MYO16: variants seen among roughly 807,000 people sequenced by gnomAD.
The protein encoded by MYO16 is unconventional myosin-XVI.
In MYO16, 94 loss-of-function variants were observed where a neutral mutation model predicts 205.3. The observed-to-expected ratio is 0.46, with a 90% CI of 0.39 to 0.54. The LOEUF (loss-of-function observed/expected upper bound fraction) is 0.54. MYO16 is among the 20% of genes least tolerant of loss of function. The probability of loss-of-function intolerance (pLI) is 0.00; values close to 1 mark genes in which losing one functional copy is unlikely to be tolerated. For synonymous variants in MYO16, 988 were observed against 954.0 expected (o/e 1.04, Z -0.66); for missense variants, 2,315 against 2,387.5 (o/e 0.97, Z 0.63).
At chr13:108,738,408 G>A (rs4772989) in intron 4 of MYO16, among the ~76,000 whole-genome samples, 2 of 151,920 alleles carry the variant, frequency 1.3e-5, no homozygotes, top group African/African-American at 4.8e-5. Context: ...TAGTCATTCA[G>A]GAGCAGGTTG....
chr13:108,625,154 C>T (rs562064310), upstream of MYO16, among the ~76,000 whole-genome samples: 3 of 152,262 alleles, frequency 2.0e-5, no homozygotes, highest in South Asian at 6.2e-4. Flanking sequence ...TTCACAATTG[C>T]CCACATCTAA....
Position 108,665,933 on chromosome 13 carries a change from G to C in MYO16, c.76G>C (p.Asp26His). 1.9e-6 allele frequency: 3 copies of C among 1,614,002 alleles called. No homozygotes were observed. Among genetic ancestry groups the C allele is most frequent in the Non-Finnish European group, 2.5e-6 (3 of 1,179,958 alleles). Residue 26 changes from aspartate to histidine, a missense_variant, in exon 2 of 35, where the codon GAC becomes CAC. Asp to His is a moderately conservative substitution (Grantham distance 81, BLOSUM62 -1). Transcript: ENST00000457511. ...TTTTCGATCCCATGAGATGGAAATCGACCAGTGCTTGCTAGAGTCCCTTCC... is the reference window on the plus strand; with the variant it reads ...TTTTCGATCCCATGAGATGGAAATCCACCAGTGCTTGCTAGAGTCCCTTCC... ...NVFRSHEMEIDQCLLESLPLG... is the reference protein window; with the variant it reads ...NVFRSHEMEIHQCLLESLPLG...
intron 6 of MYO16, among the ~76,000 whole-genome samples, chr13:108,803,205 C>A (rs186667344): frequency 1.3e-5 from 2 of 152,292 alleles, no homozygotes; most frequent in African/African-American, 4.8e-5. Flanking sequence ...TCTTGGTATT[C>A]ATCTGTGGAC....
At chr13:108,694,454 TA>T (rs1883014395) in intron 2 of MYO16, among the ~76,000 whole-genome samples, 1 of 152,206 alleles carries the variant, frequency 6.6e-6, no homozygotes, top group African/African-American at 2.4e-5. Flanking sequence ...AATGTTCCTT[TA>T]AAAAATTTAT....
At chr13:109,083,309 G>A (rs147174509) in intron 27 of MYO16, among the ~76,000 whole-genome samples, 68 of 140,888 alleles carry the variant, frequency 4.8e-4, no homozygotes, top group African/African-American at 1.8e-3. Flanking sequence ...CTTGAACCTG[G>A]GAGGCAGAGT....
intron 5 of MYO16, among the ~76,000 whole-genome samples, chr13:108,786,743 G>C (rs529164529): frequency 1.3e-5 from 2 of 152,306 alleles, no homozygotes; most frequent in Admixed American, 1.3e-4. Flanking sequence ...ACCACGACAG[G>C]GGATGATGTG....
chr13:108,920,384 C>T (rs1881689760), intron 16 of MYO16, among the ~76,000 whole-genome samples: 1 of 149,814 alleles, frequency 6.7e-6, no homozygotes, highest in Non-Finnish European at 1.5e-5. Flanking sequence ...TTCCTTCTCT[C>T]TCTCTCCTTC....
chr13:108,583,883 A>C, the MYO16 span, among the ~76,000 whole-genome samples: 1 of 152,234 alleles, frequency 6.6e-6, no homozygotes, highest in Non-Finnish European at 1.5e-5. Context: ...TTGAAAAGAC[A>C]TTATCAAAAG....
chr13:109,179,860 A>G (rs1404820677), intron 34 of MYO16, among the ~76,000 whole-genome samples: 1 of 152,162 alleles, frequency 6.6e-6, no homozygotes, highest in Non-Finnish European at 1.5e-5. Context: ...CAACTAAAAC[A>G]TAATAGTTTT....
At position 108,962,499 on chromosome 13, in the gene MYO16, A is replaced by T; in HGVS notation, c.2227+4A>T. 6.4e-7 allele frequency: 1 copy of T among 1,560,272 alleles called. No homozygotes were observed. The highest frequency in any genetic ancestry group is 2.3e-5 in the East Asian group (1 of 43,092). On this transcript the variant is annotated splice_donor_region_variant and intron_variant, in intron 19 of 34. Transcript: ENST00000457511. ...ACTGATATTCAATATTTTAAAGGTA[A>T]TTTTTTTATGCTCTAACATCTTTGT...
In MYO16 at chr13:109,124,973, T is replaced by C. The variant is rs1594105814; in HGVS notation, c.3536-139T>C. On this transcript the variant is annotated intron_variant, in intron 29 of 34. Coordinates refer to ENST00000457511, the MANE Select transcript of MYO16 (RefSeq NM_001198950.3). ...TTGCCTTTAGTGTTATCACTGCTGA[T>C]TTAGATAAAGTCTTATTCTGGGTTA... 5 of 942,382 alleles carry C rather than the reference T, an allele frequency of 5.3e-6. No individual in the cohort carries two copies. The East Asian group carries it at 1.1e-4, about 20-fold the overall frequency. 58.4% of individuals were successfully genotyped at this position (942,382 alleles called of 1,614,324 possible). A position where few individuals can be genotyped will look rare whatever the true frequency, so the allele number is the denominator to read the frequency against.
At chr13:108,850,800 C>G (rs930470926) in intron 10 of MYO16, among the ~76,000 whole-genome samples, 10 of 152,302 alleles carry the variant, frequency 6.6e-5, no homozygotes, top group African/African-American at 1.9e-4. Context: ...TTGATCTGCT[C>G]TCACACTGGC....
chr13:108,595,430 T>TA (rs200987844), upstream of MYO16, among the ~76,000 whole-genome samples: 32 of 151,568 alleles, frequency 2.1e-4, no homozygotes, highest in Admixed American at 9.2e-4. Context: ...GCTCTTGAGT[T>TA]AAAAAAAAAG....
chr13:109,021,730 G>A (rs1886027982), intron 23 of MYO16, among the ~76,000 whole-genome samples: 1 of 152,142 alleles, frequency 6.6e-6, no homozygotes, highest in African/African-American at 2.4e-5. Context: ...TAGGTGACAT[G>A]TCTAAAAAGA....
intron 14 of MYO16, among the ~76,000 whole-genome samples, chr13:108,893,206 T>G (rs968190699): frequency 2.6e-5 from 4 of 152,214 alleles, no homozygotes; most frequent in African/African-American, 9.6e-5. Flanking sequence ...TCCGAGTATA[T>G]GTACAGGAAT....
At chr13:108,786,534 T>C (rs564131517) in intron 5 of MYO16, among the ~76,000 whole-genome samples, 1 of 152,336 alleles carries the variant, frequency 6.6e-6, no homozygotes, top group East Asian at 1.9e-4. Context: ...ACACGGAGCT[T>C]ATGCAGATAC....
At chr13:109,072,601 ACTCACACACT>A (rs968717058) in intron 27 of MYO16, among the ~76,000 whole-genome samples, 8 of 150,466 alleles carry the variant, frequency 5.3e-5, no homozygotes, top group Non-Finnish European at 5.9e-5. Context: ...ACACACACAC[ACTCACACACT>A]CTCACACAAC....
At chr13:108,546,655 G>A in the MYO16 span, among the ~76,000 whole-genome samples, 16 of 152,012 alleles carry the variant, frequency 1.1e-4, no homozygotes, top group South Asian at 1.2e-3. Flanking sequence ...AGCATTTCAC[G>A]GATACCTGAG....
At chr13:108,884,387 G>A (rs1175983948) in intron 13 of MYO16, among the ~76,000 whole-genome samples, 3 of 152,248 alleles carry the variant, frequency 2.0e-5, no homozygotes, top group Non-Finnish European at 2.9e-5. Context: ...GGAAGGTGCT[G>A]AGGCAGGGGC....
Sources: gnomAD v4.1 joint callset for allele counts (sites outside exome capture counted in the v4.1 genomes callset) on GRCh38, gnomAD v4.1.1 for gene constraint, MANE v1.5 for transcripts, NCBI Gene and HGNC (gene_info 2026-07-23, HGNC 2026-07-21) for gene names.